KCNU1: variants seen among roughly 807,000 people sequenced by gnomAD.
KCNU1 encodes the protein potassium channel subfamily U member 1.
KCNU1 carries 93 observed loss-of-function variants against 126.8 expected under a neutral mutation model. The ratio of observed to expected loss-of-function variants is 0.73; its 90% CI spans 0.62 to 0.87. The LOEUF is 0.87. Among genes scored for constraint, KCNU1 ranks in the 40% least tolerant of loss-of-function variants. The pLI is 0.00. For missense variants in KCNU1, 1,330 were observed against 1,367.1 expected (o/e 0.97, Z 0.43); for synonymous variants, 523 against 494.2 (o/e 1.06, Z -0.77).
At chr8:36,864,647 C>A in intron 19 of KCNU1, 126 bp downstream of exon 19, 1 of 635,398 alleles carries the variant, frequency 1.6e-6, no homozygotes, top group Non-Finnish European at 2.8e-6. Context: ...TTGTTCCTCC[C>A]CAAAATGAGA....
intron 22 of KCNU1, among the ~76,000 whole-genome samples, chr8:36,914,133 C>T (rs1335303564): frequency 2.0e-5 from 3 of 152,160 alleles, no homozygotes; most frequent in Non-Finnish European, 4.4e-5. Flanking sequence ...GGAATACACA[C>T]CCCCAAGAAC....
chr8:36,875,793 A>G (rs930540336), intron 19 of KCNU1, among the ~76,000 whole-genome samples: 15 of 152,162 alleles, frequency 9.9e-5, no homozygotes, highest in Non-Finnish European at 4.4e-5. Context: ...GTTTGATTTT[A>G]TACTCAGTCA....
At chr8:36,848,625 T>A (rs1011646477) in intron 18 of KCNU1, among the ~76,000 whole-genome samples, 20 of 152,182 alleles carry the variant, frequency 1.3e-4, no homozygotes, top group African/African-American at 4.6e-4. Flanking sequence ...CTCTCCTCCT[T>A]TATATGCATT....
At chr8:36,887,266 C>A (rs1806743085) in intron 19 of KCNU1, among the ~76,000 whole-genome samples, 1 of 152,108 alleles carries the variant, frequency 6.6e-6, no homozygotes. Flanking sequence ...TTCCCACCAA[C>A]CGTGTAGAAG....
In KCNU1 at chr8:36,805,415, C is replaced by A. The variant is rs191427492; in HGVS notation, c.468+130C>A. 3.1e-4 allele frequency: 195 copies of A among 628,502 alleles called. 2 individuals carry two copies. The East Asian group carries it at 4.3e-3, about 14-fold the overall frequency. 38.9% of individuals were successfully genotyped at this position (628,502 alleles called of 1,614,324 possible). Reference sequence around the variant, plus strand: ...TAAAGATAGCTAATCTGTGCCCTAACTTGTTAAATATATACTGATCCCTAA... The same window carrying A: ...TAAAGATAGCTAATCTGTGCCCTAAATTGTTAAATATATACTGATCCCTAA... On this transcript the variant is annotated intron_variant, in intron 4 of 26. Transcript: ENST00000399881.
rs776991632 is a variant in KCNU1 at position 36,806,397 on chromosome 8, A to T, written c.580+17A>T. ...ATTGGCTAGGTAAGTGTGCTCTGGG[A>T]ACGGGTAGCAATATCTATGAATAAA... On this transcript the variant is annotated intron_variant, in intron 5 of 26. Coordinates refer to ENST00000399881, the MANE Select transcript of KCNU1 (RefSeq NM_001031836.3). The T allele has an allele frequency of 2.4e-6, 3 of 1,274,874 alleles. No homozygotes were observed. The highest frequency in any genetic ancestry group is 4.7e-5 in the East Asian group (2 of 42,286). 79.0% of individuals were successfully genotyped at this position (1,274,874 alleles called of 1,614,324 possible).
At position 36,909,452 on chromosome 8, in the gene KCNU1, G is replaced by A. The variant is rs758762776; in HGVS notation, c.2248G>A (p.Asp750Asn). The change falls in exon 21 of 27, where the codon GAC becomes AAC. Residue 750 changes from aspartate (D) to asparagine (N), a missense_variant. Asp to Asn is a conservative substitution (Grantham distance 23). Transcript: ENST00000399881. The part of the protein sequence containing the change: ...ASNYTRKELK[D>N]IVFIGSLDYL... ...CAACTATACCAGGAAGGAGCTGAAG[G>A]ACATAGTGTTCATTGGGTCTCTGGA... 1 of 1,613,662 alleles carries A rather than the reference G, an allele frequency of 6.2e-7. No individual in the cohort carries two copies.
intron 22 of KCNU1, among the ~76,000 whole-genome samples, chr8:36,913,353 C>CA (rs1406685987): frequency 2.0e-5 from 3 of 151,226 alleles, no homozygotes; most frequent in Non-Finnish European, 2.9e-5. Flanking sequence ...GAAGGAATGT[C>CA]AAAAAAATTG....
At chr8:36,799,987 G>T (rs556496508) in intron 2 of KCNU1, among the ~76,000 whole-genome samples, 5 of 152,070 alleles carry the variant, frequency 3.3e-5, no homozygotes, top group Non-Finnish European at 7.4e-5. Flanking sequence ...ATTCCCTCCT[G>T]CCCTAAGACT....
At chr8:36,894,245 AT>A (rs1378883447) in intron 19 of KCNU1, among the ~76,000 whole-genome samples, 1 of 152,152 alleles carries the variant, frequency 6.6e-6, no homozygotes, top group Non-Finnish European at 1.5e-5. Context: ...ATATGTTGAT[AT>A]TATCAAACTT....
chr8:36,898,678 G>T (rs886082016), intron 19 of KCNU1, among the ~76,000 whole-genome samples: 1 of 152,064 alleles, frequency 6.6e-6, no homozygotes, highest in Non-Finnish European at 1.5e-5. Context: ...TCAGGTCCTT[G>T]TCCAATACAC....
intron 4 of KCNU1, among the ~76,000 whole-genome samples, chr8:36,805,856 T>G (rs894572175): frequency 1.3e-5 from 2 of 152,056 alleles, no homozygotes; most frequent in Admixed American, 6.6e-5. Flanking sequence ...AACATCTTAT[T>G]TTTTTTAGAC....
chr8:36,868,468 A>ATTAT (rs1805989247), intron 19 of KCNU1, among the ~76,000 whole-genome samples: 2 of 152,200 alleles, frequency 1.3e-5, no homozygotes, highest in East Asian at 3.9e-4. Flanking sequence ...AAAGCAACAT[A>ATTAT]TTATTATTTA....
At position 36,922,605 on chromosome 8, in the gene KCNU1, C is replaced by T; in HGVS notation, c.2712C>T (p.Ser904=). The T allele has an allele frequency of 1.2e-6, 2 of 1,613,484 alleles. No homozygotes were observed. Among genetic ancestry groups the T allele is most frequent in the Middle Eastern group, 1.7e-4 (1 of 6,044 alleles). The change falls in exon 24 of 27, where the codon AGC becomes AGT. Residue 904 remains serine (S), a synonymous_variant. Coordinates refer to ENST00000399881, the MANE Select transcript of KCNU1 (RefSeq NM_001031836.3). The stretch of plus-strand genomic sequence containing the variant: ...CTACGGGCACTGTTTTTTCCGGCAG[C>T]TTCTTGGATTCTCTGCTGGCCACGG... ...AFSTGTVFSG[S]FLDSLLATAF...
In KCNU1 at chr8:36,805,213, A is replaced by G; in HGVS notation, c.396A>G (p.Ser132=). The G allele has an allele frequency of 1.2e-6, 2 of 1,610,424 alleles. No homozygotes were observed. The highest frequency in any genetic ancestry group is 8.5e-7 in the Non-Finnish European group (1 of 1,177,740). ...TTTCCAGCCCTGTTGGAAGCTGTTC[A>G]TCATATGAAGACAAAACCATTCCTA... The part of the protein sequence containing the change: ...INSADPVGSC[S]SYEDKTIPID... Residue 132 remains serine (S), a synonymous_variant, in exon 4 of 27, where the codon TCA becomes TCG. Transcript: ENST00000399881.
At chr8:36,801,633 T>G (rs1803309865) in intron 2 of KCNU1, among the ~76,000 whole-genome samples, 1 of 152,006 alleles carries the variant, frequency 6.6e-6, no homozygotes, top group African/African-American at 2.4e-5. Flanking sequence ...TTCCTTAAAA[T>G]TATTAATAAT....
rs138240609 is a variant in KCNU1 at position 36,887,452 on chromosome 8, G to GTT, written c.2010-18240_2010-18239dup. 2.3e-3 allele frequency among the ~76,000 whole-genome samples: 231 copies of GTT among 99,244 alleles called. 2 individuals carry two copies. Among genetic ancestry groups the GTT allele is most frequent in the East Asian group, 0.023 (86 of 3,714 alleles). The allele number at this position is 99,244 out of a possible 152,430, so 65.1% of individuals were successfully genotyped here. Reference sequence around the variant, plus strand: ...GTTTATTGGCCATTTGTTTTTTTTTGTTTTTTTTTTTTTTTTTGGAGAAAT... The same window carrying GTT: ...GTTTATTGGCCATTTGTTTTTTTTTGTTTTTTTTTTTTTTTTTTTGGAGAAAT... On this transcript the variant is annotated intron_variant, in intron 19 of 26. Transcript: ENST00000399881.
chr8:36,884,554 G>A (rs1806618424), intron 19 of KCNU1, among the ~76,000 whole-genome samples: 2 of 152,046 alleles, frequency 1.3e-5, no homozygotes, highest in African/African-American at 2.4e-5. Flanking sequence ...TGGCCAACAT[G>A]GTGAAACCAT....
At chr8:36,853,384 C>T (rs917081540) in intron 18 of KCNU1, among the ~76,000 whole-genome samples, 1 of 152,076 alleles carries the variant, frequency 6.6e-6, no homozygotes, top group Non-Finnish European at 1.5e-5. Context: ...GCATTTATAT[C>T]TAAAAATTTC....
Sources: gnomAD v4.1 joint callset for allele counts (sites outside exome capture counted in the v4.1 genomes callset) on GRCh38, gnomAD v4.1.1 for gene constraint, MANE v1.5 for transcripts, NCBI Gene and HGNC (gene_info 2026-07-23, HGNC 2026-07-21) for gene names.